IQANK1: variants seen among roughly 807,000 people sequenced by gnomAD.
IQANK1 encodes IQ motif and ankyrin repeat containing 1.
In IQANK1, 30 loss-of-function variants were observed where a neutral mutation model predicts 22.6. The ratio of observed to expected loss-of-function variants is 1.33; its 90% CI spans 0.99 to 1.80. IQANK1 has a LOEUF of 1.80. Ranked by LOEUF, IQANK1 falls within the 40% of genes most tolerant of loss-of-function variation. The pLI is 0.00. For missense variants in IQANK1, 275 were observed against 235.2 expected, an observed-to-expected ratio of 1.17 and a Z score of -1.11; for synonymous variants, 122 against 99.6, an observed-to-expected ratio of 1.23 and a Z score of -1.34.
At chr8:143,763,978 A>G (rs1211049275) in intron 3 of IQANK1, among the ~76,000 whole-genome samples, 1 of 152,060 alleles carries the variant, frequency 6.6e-6, no homozygotes, top group Non-Finnish European at 1.5e-5. Context: ...CGGAGTCACA[A>G]AAAGTCCCTC....
At position 143,752,110 on chromosome 8, in the gene IQANK1, C is replaced by T. The variant is rs180989499; in HGVS notation, c.175+12162C>T. Among the ~76,000 whole-genome samples the T allele has an allele frequency of 5.8e-3, 880 of 152,118 alleles. 4 individuals are homozygous for T. Among genetic ancestry groups the T allele is most frequent in the Non-Finnish European group, 9.7e-3 (659 of 68,004 alleles). On this transcript the variant is annotated intron_variant, in intron 3 of 13. Transcript: ENST00000527139. ...CCTCCCGAGTAGCTGGGATTATAGG[C>T]GCCTGCCACCAGGCCCAGCTAATTT...
intron 7 of IQANK1, among the ~76,000 whole-genome samples, chr8:143,781,680 T>C (rs1338921474): frequency 6.6e-6 from 1 of 152,190 alleles, no homozygotes; most frequent in Non-Finnish European, 1.5e-5. Flanking sequence ...CATTGGTCTA[T>C]GTGCTTGTGT....
chr8:143,742,124 C>T, intron 3 of IQANK1: 1 of 347,538 alleles, frequency 2.9e-6, no homozygotes, highest in South Asian at 2.2e-5. Flanking sequence ...GCTCGGTGTT[C>T]CCTGCTCCTC....
intron 3 of IQANK1, among the ~76,000 whole-genome samples, chr8:143,748,979 TATC>T (rs1355229295): frequency 2.7e-5 from 3 of 112,260 alleles, no homozygotes; most frequent in Non-Finnish European, 5.1e-5. Flanking sequence ...TATATAAATA[TATC>T]ATATATAAAT....
In IQANK1 at chr8:143,772,345, C is replaced by T; in HGVS notation, c.664-12C>T. ...CAAGGCCTGGATCTTGCTCGGGGGG[C>T]CCGTCTTGCAGGGCGCTTTCGGTCC... On this transcript the variant is annotated splice_polypyrimidine_tract_variant and intron_variant, in intron 6 of 13. Transcript: ENST00000527139. 2.5e-6 allele frequency: 1 copy of T among 398,950 alleles called. No individual in the cohort carries two copies. The highest frequency in any genetic ancestry group is 4.4e-6 in the Non-Finnish European group (1 of 226,076). 24.7% of individuals were successfully genotyped at this position (398,950 alleles called of 1,614,324 possible). A position where few individuals can be genotyped will look rare whatever the true frequency, so the allele number is the denominator to read the frequency against.
At chr8:143,776,863 C>G (rs577908518) in intron 7 of IQANK1, among the ~76,000 whole-genome samples, 6 of 152,102 alleles carry the variant, frequency 3.9e-5, no homozygotes, top group Non-Finnish European at 8.8e-5. Flanking sequence ...TGCCTACTCC[C>G]GTCAGCCAGG....
chr8:143,765,790 T>C (rs192232540), intron 3 of IQANK1, among the ~76,000 whole-genome samples: 1 of 152,368 alleles, frequency 6.6e-6, no homozygotes, highest in African/African-American at 2.4e-5. Context: ...GTAGCTGTGG[T>C]TCATGTTCAT....
Position 143,789,542 on chromosome 8 carries a change from G to A in IQANK1, c.1086+14G>A. 1 of 1,232,214 alleles carries A rather than the reference G, an allele frequency of 8.1e-7. No homozygotes were observed. The allele number at this position is 1,232,214 out of a possible 1,614,324, so 76.3% of individuals were successfully genotyped here. On this transcript the variant is annotated intron_variant, in intron 10 of 13. Coordinates refer to ENST00000527139, the MANE Select transcript of IQANK1 (RefSeq NM_001381874.1). The stretch of plus-strand genomic sequence containing the variant: ...CTCACGCTGCAGGTGGGGGCCCGTG[G>A]TGGACTTGATATGCCCCTGCGTCCT...
At chr8:143,775,823 C>CACACACACA (rs57293834) in intron 7 of IQANK1, among the ~76,000 whole-genome samples, 61 of 140,908 alleles carry the variant, frequency 4.3e-4, no homozygotes, top group Middle Eastern at 3.4e-3. Flanking sequence ...CACACACACA[C>CACACACACA]CATTCCTAAA....
intron 1 of IQANK1, 137 bp downstream of exon 1, chr8:143,734,356 A>G (rs1818661707): frequency 6.6e-6 from 1 of 151,084 alleles, no homozygotes; most frequent in Non-Finnish European, 1.5e-5. Context: ...CCGCCCACAC[A>G]GAGGACCCCC....
rs531068582 is a variant in IQANK1 at position 143,770,572 on chromosome 8, G to A, written c.176-916G>A. 9.8e-5 allele frequency among the ~76,000 whole-genome samples: 15 copies of A among 152,316 alleles called. No homozygotes were observed. The East Asian group carries it at 2.9e-3, about 30-fold the overall frequency. On this transcript the variant is annotated intron_variant, in intron 3 of 13. Coordinates refer to ENST00000527139, the MANE Select transcript of IQANK1 (RefSeq NM_001381874.1). ...GCCATTCTGCCCATGCTCCCTGGGA[G>A]CTTGGTTGTGGGAATCATAGTACTT...
At chr8:143,783,188 C>T (rs1354651953) in intron 7 of IQANK1, among the ~76,000 whole-genome samples, 2 of 152,138 alleles carry the variant, frequency 1.3e-5, no homozygotes, top group Non-Finnish European at 2.9e-5. Context: ...AATGGTTGTA[C>T]CAGTTTATCC....
At chr8:143,777,214 A>G (rs1554630503) in intron 7 of IQANK1, among the ~76,000 whole-genome samples, 1 of 152,088 alleles carries the variant, frequency 6.6e-6, no homozygotes, top group East Asian at 1.9e-4. Context: ...ATATATACAC[A>G]TATATATGAG....
chr8:143,775,112 T>TAC (rs201929554), intron 7 of IQANK1, among the ~76,000 whole-genome samples: 14 of 151,756 alleles, frequency 9.2e-5, no homozygotes, highest in South Asian at 2.1e-4. Context: ...ATTGTAATGA[T>TAC]ACACACACAC....
chr8:143,740,075 C>T (rs1425581878), intron 3 of IQANK1, 127 bp downstream of exon 3: 2 of 535,070 alleles, frequency 3.7e-6, no homozygotes, highest in South Asian at 2.5e-5. Flanking sequence ...TGCTTGTGCG[C>T]GCACGTGTGG....
intron 3 of IQANK1, among the ~76,000 whole-genome samples, chr8:143,755,570 G>T (rs1819276285): frequency 6.6e-6 from 1 of 152,018 alleles, no homozygotes; most frequent in African/African-American, 2.4e-5. Flanking sequence ...CATCATGTTG[G>T]CCAGGCTGGT....
At chr8:143,788,711 C>A (rs986660021) in intron 7 of IQANK1, among the ~76,000 whole-genome samples, 1 of 152,160 alleles carries the variant, frequency 6.6e-6, no homozygotes, top group Non-Finnish European at 1.5e-5. Context: ...GGAGAATTCC[C>A]AGCGGCCTGG....
At chr8:143,748,915 CTA>C (rs1388949632) in intron 3 of IQANK1, among the ~76,000 whole-genome samples, 3 of 52,132 alleles carry the variant, frequency 5.8e-5, no homozygotes, top group Non-Finnish European at 1.3e-4. Context: ...ACATATATAT[CTA>C]TATATAAATA....
intron 3 of IQANK1, among the ~76,000 whole-genome samples, chr8:143,749,595 A>AT (rs1310752853): frequency 7.3e-6 from 1 of 137,052 alleles, no homozygotes; most frequent in South Asian, 2.2e-4. Context: ...TTATTTATTT[A>AT]TTTATTTTTT....
Sources: allele counts gnomAD v4.1 joint callset (sites outside exome capture counted in the v4.1 genomes callset), GRCh38; gene constraint gnomAD v4.1.1; transcripts MANE v1.5; gene names NCBI Gene and HGNC (gene_info 2026-07-23, HGNC 2026-07-21).